The following ZEB1 variants were observed in gnomAD, a reference collection of about 807,000 sequenced individuals.
The protein encoded by ZEB1 is zinc finger E-box-binding homeobox 1.
Under a neutral mutation model 84.9 loss-of-function variants are expected in ZEB1, and 21 were observed. The observed-to-expected ratio is 0.25, with a 90% CI of 0.18 to 0.36. The LOEUF is 0.36. ZEB1 is among the 10% of genes least tolerant of loss of function. ZEB1 has a pLI of 1.00. For missense variants in ZEB1, 1,104 were observed against 1,330.2 expected, an observed-to-expected ratio of 0.83 and a Z score of 2.65; for synonymous variants, 420 against 471.1, an observed-to-expected ratio of 0.89 and a Z score of 1.41.
At chr10:31,495,664 C>A in intron 2 of ZEB1, 112 bp from the exon 3 acceptor site, 1 of 1,037,026 alleles carries the variant, frequency 9.6e-7, no homozygotes, top group Non-Finnish European at 1.5e-6. Context: ...TACATGTATA[C>A]AATGTGTAAT....
At chr10:31,335,398 G>A (rs931530971) in intron 1 of ZEB1, among the ~76,000 whole-genome samples, 5 of 152,084 alleles carry the variant, frequency 3.3e-5, no homozygotes, top group Non-Finnish European at 7.4e-5. Flanking sequence ...GTTGATAAAG[G>A]GGAATTACTG....
rs577970462 is a variant in ZEB1, at chr10:31,343,673, T to C, written c.58+24381T>C. Reference sequence around the variant, plus strand: ...AAAATGTGTTTGTATAATGAAAAGGTTGGAGGAGATGATTCTGAAGGTGCC... The same window carrying C: ...AAAATGTGTTTGTATAATGAAAAGGCTGGAGGAGATGATTCTGAAGGTGCC... On this transcript the variant is annotated intron_variant, in intron 1 of 8. Coordinates refer to ENST00000424869, the MANE Select transcript of ZEB1 (RefSeq NM_001174096.2). Among the ~76,000 whole-genome samples the C allele has an allele frequency of 2.6e-5, 4 of 152,070 alleles. No homozygotes were observed. In the South Asian group the frequency reaches 6.2e-4, roughly 24 times the overall value.
intron 7 of ZEB1, 48 bp from the exon 8 acceptor site, chr10:31,523,885 T>A (rs2072879924): frequency 6.3e-7 from 1 of 1,592,486 alleles, no homozygotes; most frequent in Non-Finnish European, 8.6e-7. Context: ...TATCTCTTGT[T>A]TATCTTTTAA....
chr10:31,427,077 A>C (rs983761487), intron 1 of ZEB1, among the ~76,000 whole-genome samples: 2 of 152,092 alleles, frequency 1.3e-5, no homozygotes, highest in African/African-American at 4.8e-5. Context: ...AGATATCAAA[A>C]TATGTTTAAA....
At chr10:31,373,065 G>A in intron 1 of ZEB1, 1 of 985,462 alleles carries the variant, frequency 1.0e-6, no homozygotes, top group Non-Finnish European at 1.2e-6. Context: ...ACTCCCATCT[G>A]AAGACATGAT....
chr10:31,406,946 G>C (rs1220760960), intron 1 of ZEB1, among the ~76,000 whole-genome samples: 1 of 152,108 alleles, frequency 6.6e-6, no homozygotes, highest in African/African-American at 2.4e-5. Context: ...TTATTAAATA[G>C]GGAATCCTTT....
chr10:31,509,712 T>C (rs2069628506), intron 4 of ZEB1, among the ~76,000 whole-genome samples: 1 of 152,226 alleles, frequency 6.6e-6, no homozygotes, highest in Non-Finnish European at 1.5e-5. Context: ...AAATTATCTG[T>C]GGTGGTTTGT....
intron 1 of ZEB1, among the ~76,000 whole-genome samples, chr10:31,448,942 C>A (rs1030066508): frequency 5.9e-5 from 9 of 152,236 alleles, no homozygotes; most frequent in Non-Finnish European, 2.9e-5. Context: ...GGGCTCCACC[C>A]AGTTGGAGCT....
At chr10:31,340,054 G>A (rs951911448) in intron 1 of ZEB1, among the ~76,000 whole-genome samples, 2 of 152,110 alleles carry the variant, frequency 1.3e-5, no homozygotes, top group African/African-American at 4.8e-5. Flanking sequence ...CTCAGAAAGT[G>A]AGAAATATTT....
intron 1 of ZEB1, among the ~76,000 whole-genome samples, chr10:31,354,181 G>A (rs2041754833): frequency 6.6e-6 from 1 of 152,108 alleles, no homozygotes; most frequent in African/African-American, 2.4e-5. Flanking sequence ...TATTTCTTCT[G>A]AAACAATGAT....
At chr10:31,468,299 A>G (rs1171446650) in intron 2 of ZEB1, among the ~76,000 whole-genome samples, 2 of 151,984 alleles carry the variant, frequency 1.3e-5, no homozygotes, top group Non-Finnish European at 2.9e-5. Flanking sequence ...TGTATTCCTT[A>G]TCAACAAAGG....
At chr10:31,374,496 G>T (rs958234518) in intron 1 of ZEB1, among the ~76,000 whole-genome samples, 1 of 151,792 alleles carries the variant, frequency 6.6e-6, no homozygotes, top group Non-Finnish European at 1.5e-5. Context: ...AAATGGTGGG[G>T]TTAAAAACAG....
rs747486342 is a variant in ZEB1 at position 31,526,910 on chromosome 10, G to A, written c.3024G>A (p.Ser1008=). 24 of 1,614,004 alleles carry A rather than the reference G, an allele frequency of 1.5e-5. No homozygotes were observed. Among genetic ancestry groups the A allele is most frequent in the Admixed American group, 5.0e-5 (3 of 59,998 alleles). Residue 1008 remains serine, a synonymous_variant, in exon 9 of 9, where the codon TCG becomes TCA. Coordinates refer to ENST00000424869, the MANE Select transcript of ZEB1 (RefSeq NM_001174096.2). ...AAGAGGCAGGGCCTGAAATCCTCTC[G>A]AATGAGCACGTGGGTGCCAGGGCGT... ...EQEEAGPEIL[S]NEHVGARASP...
intron 2 of ZEB1, among the ~76,000 whole-genome samples, chr10:31,465,715 G>A (rs2062337669): frequency 6.6e-6 from 1 of 151,862 alleles, no homozygotes; most frequent in South Asian, 2.1e-4. Context: ...CTGGACTCAA[G>A]CAGTCTTCTT....
At chr10:31,411,472 A>C (rs161246) in intron 1 of ZEB1, among the ~76,000 whole-genome samples, 29,701 of 151,634 alleles carry the variant, frequency 0.2, 5,780 homozygotes, top group African/African-American at 0.51. Flanking sequence ...TCTACTAAAA[A>C]TACAAAAAAA....
At chr10:31,338,912 AGT>A (rs1433777156) in intron 1 of ZEB1, among the ~76,000 whole-genome samples, 1 of 152,014 alleles carries the variant, frequency 6.6e-6, no homozygotes, top group African/African-American at 2.4e-5. Context: ...TTTATGGGAG[AGT>A]GATATTTGAT....
chr10:31,508,584 C>T (rs1018785141), intron 4 of ZEB1, among the ~76,000 whole-genome samples: 8 of 152,252 alleles, frequency 5.3e-5, no homozygotes, highest in Admixed American at 3.9e-4. Context: ...GTCATCCCCA[C>T]GTCCCTGAAT....
At chr10:31,413,611 G>C (rs1408475356) in intron 1 of ZEB1, among the ~76,000 whole-genome samples, 1 of 149,554 alleles carries the variant, frequency 6.7e-6, no homozygotes, top group Non-Finnish European at 1.5e-5. Flanking sequence ...GGAGTAAGCT[G>C]ATACAGGCTG....
chr10:31,423,065 T>C (rs530257245), intron 1 of ZEB1, among the ~76,000 whole-genome samples: 2 of 152,104 alleles, frequency 1.3e-5, no homozygotes, highest in South Asian at 4.1e-4. Context: ...CATGTATATA[T>C]ATAAATGTAT....
Sources: gnomAD v4.1 joint callset for allele counts (sites outside exome capture counted in the v4.1 genomes callset) on GRCh38, gnomAD v4.1.1 for gene constraint, MANE v1.5 for transcripts, NCBI Gene and HGNC (gene_info 2026-07-23, HGNC 2026-07-21) for gene names.